GCNT2: variants seen among roughly 807,000 people sequenced by gnomAD.
The protein encoded by GCNT2 is N-acetyllactosaminide beta-1,6-N-acetylglucosaminyl-transferase.
A neutral mutation model predicts 34.2 loss-of-function variants in GCNT2; 34 were observed. The ratio of observed to expected loss-of-function variants is 1.00; its 90% CI spans 0.76 to 1.32. GCNT2 has a LOEUF of 1.32. Among genes scored for constraint, GCNT2 ranks in the 40% most tolerant of loss-of-function variants. The pLI is 0.00. For missense variants in GCNT2, 584 were observed against 489.4 expected (o/e 1.19, Z -1.82); for synonymous variants, 212 against 188.0 (o/e 1.13, Z -1.04).
intron 3 of GCNT2, among the ~76,000 whole-genome samples, chr6:10,561,852 C>G: frequency 6.6e-6 from 1 of 150,814 alleles, no homozygotes; most frequent in South Asian, 2.1e-4. Context: ...GTCAAATTCT[C>G]TCAACCTCAG....
At chr6:10,559,431 G>T (rs1762872498) in intron 3 of GCNT2, among the ~76,000 whole-genome samples, 1 of 152,174 alleles carries the variant, frequency 6.6e-6, no homozygotes, top group African/African-American at 2.4e-5. Flanking sequence ...GCAACAGTGT[G>T]GCCCCATGTA....
chr6:10,557,679 C>T (rs573114560), intron 3 of GCNT2, among the ~76,000 whole-genome samples: 1 of 152,168 alleles, frequency 6.6e-6, no homozygotes, highest in African/African-American at 2.4e-5. Flanking sequence ...TTTGTGCAGA[C>T]AGGGTCTCGC....
chr6:10,527,436 T>A (rs1761251666), intron 1 of GCNT2, 38 bp from the exon 2 acceptor site: 1 of 151,834 alleles, frequency 6.6e-6, no homozygotes, highest in Non-Finnish European at 1.5e-5. Flanking sequence ...AATAAATAAA[T>A]AAAATAAAAT....
intron 3 of GCNT2, chr6:10,557,290 G>A: frequency 6.2e-7 from 1 of 1,613,708 alleles, no homozygotes; most frequent in Non-Finnish European, 8.5e-7. Context: ...AGTGGTCCAA[G>A]GACACTTTCA....
At position 10,532,914 on chromosome 6, in the gene GCNT2, CTTTTTTTT is replaced by C. The variant is rs67442555; in HGVS notation, c.925+3091_925+3098del. Reference sequence around the variant, plus strand: ...TGATGTGTATATGTTGTGGTTTTTGCTTTTTTTTTTTTTTTTTTTTGGCAGGTGTGCGA... The same window carrying C: ...TGATGTGTATATGTTGTGGTTTTTGCTTTTTTTTTTTTGGCAGGTGTGCGA... On this transcript the variant is annotated intron_variant, in intron 3 of 4. Coordinates refer to ENST00000495262, the MANE Select transcript of GCNT2 (RefSeq NM_145649.5). Among the ~76,000 whole-genome samples, 80 of 85,402 alleles carry C rather than the reference CTTTTTTTT, an allele frequency of 9.4e-4. 3 individuals carry two copies. In the South Asian group the frequency reaches 0.035, roughly 38 times the overall value. 56.0% of individuals were successfully genotyped at this position (85,402 alleles called of 152,430 possible). A position where few individuals can be genotyped will look rare whatever the true frequency, so the allele number is the denominator to read the frequency against.
At chr6:10,564,256 G>T (rs189688799) in intron 3 of GCNT2, among the ~76,000 whole-genome samples, 1 of 152,292 alleles carries the variant, frequency 6.6e-6, no homozygotes, top group East Asian at 1.9e-4. Context: ...GCTGAGTAAT[G>T]TGCCCTGTTC....
chr6:10,612,704 C>T (rs140367879), intron 3 of GCNT2, among the ~76,000 whole-genome samples: 23 of 152,272 alleles, frequency 1.5e-4, no homozygotes, highest in South Asian at 1.5e-3. Context: ...GTTTTAAAGA[C>T]GAGTACACCA....
intron 3 of GCNT2, among the ~76,000 whole-genome samples, chr6:10,537,714 A>C (rs369758504): frequency 4.9e-4 from 49 of 99,364 alleles, no homozygotes; most frequent in South Asian, 1.3e-3. Context: ...AAAAAAAAAA[A>C]AAAAAAAAAA....
At chr6:10,580,270 C>CGGGGGGGGGGG (rs1764011510) in intron 3 of GCNT2, among the ~76,000 whole-genome samples, 1 of 150,106 alleles carries the variant, frequency 6.7e-6, no homozygotes, top group African/African-American at 2.5e-5. Context: ...TGCCAGGGGT[C>CGGGGGGGGGGG]AGGGGGGTGG....
At chr6:10,616,652 G>C (rs1765777905) in intron 3 of GCNT2, among the ~76,000 whole-genome samples, 1 of 152,134 alleles carries the variant, frequency 6.6e-6, no homozygotes, top group Non-Finnish European at 1.5e-5. Flanking sequence ...GTCCTCACCA[G>C]AGTAACTAGA....
chr6:10,550,643 G>T (rs557879758), intron 3 of GCNT2, among the ~76,000 whole-genome samples: 1 of 152,218 alleles, frequency 6.6e-6, no homozygotes, highest in South Asian at 2.1e-4. Flanking sequence ...CACTGTGCCT[G>T]GCTAACTTTT....
At chr6:10,590,799 G>C (rs757896133) in intron 3 of GCNT2, among the ~76,000 whole-genome samples, 3 of 152,058 alleles carry the variant, frequency 2.0e-5, no homozygotes, top group African/African-American at 7.2e-5. Context: ...TGATCTGCCC[G>C]CCTCGGCCTC....
chr6:10,572,957 C>T (rs943864339), intron 3 of GCNT2, among the ~76,000 whole-genome samples: 20 of 152,116 alleles, frequency 1.3e-4, no homozygotes, highest in Admixed American at 2.6e-4. Context: ...TCTGCCCTAA[C>T]AAACGGTCTA....
intron 3 of GCNT2, among the ~76,000 whole-genome samples, chr6:10,538,450 A>G (rs1761883894): frequency 7.2e-6 from 1 of 138,782 alleles, no homozygotes; most frequent in Non-Finnish European, 1.5e-5. Context: ...ATATATATAT[A>G]TATATATGTT....
At chr6:10,546,764 T>G (rs901121092) in intron 3 of GCNT2, among the ~76,000 whole-genome samples, 2 of 152,218 alleles carry the variant, frequency 1.3e-5, no homozygotes, top group African/African-American at 4.8e-5. Context: ...AAAGCTGATT[T>G]TTATGAAAGC....
intron 3 of GCNT2, among the ~76,000 whole-genome samples, chr6:10,536,245 C>G (rs1761744919): frequency 6.6e-6 from 1 of 152,176 alleles, no homozygotes; most frequent in South Asian, 2.1e-4. Context: ...TTCTGAGATG[C>G]TAGGCGAATG....
chr6:10,554,322 A>G (rs1380096976), intron 3 of GCNT2, among the ~76,000 whole-genome samples: 4 of 152,238 alleles, frequency 2.6e-5, no homozygotes, highest in African/African-American at 4.8e-5. Flanking sequence ...AAAATCGACT[A>G]TATTTTTCAA....
intron 4 of GCNT2, among the ~76,000 whole-genome samples, chr6:10,625,080 A>ACTT (rs1328430180): frequency 6.6e-6 from 1 of 151,556 alleles, no homozygotes; most frequent in Non-Finnish European, 1.5e-5. Context: ...TTCCCCAATG[A>ACTT]CTTCTACTCT....
chr6:10,605,238 CAG>C (rs1291579921), intron 3 of GCNT2, among the ~76,000 whole-genome samples: 1 of 95,824 alleles, frequency 1.0e-5, no homozygotes, highest in African/African-American at 5.4e-5. Flanking sequence ...TTTTTTGAGA[CAG>C]AGTCTCACTC....
Sources: allele counts gnomAD v4.1 joint callset (sites outside exome capture counted in the v4.1 genomes callset), GRCh38; gene constraint gnomAD v4.1.1; transcripts MANE v1.5; gene names NCBI Gene and HGNC (gene_info 2026-07-23, HGNC 2026-07-21).